Variants in ANKRD6 observed in about 807,000 individuals in gnomAD.
The protein encoded by ANKRD6 is ankyrin repeat domain 6.
In ANKRD6, 56 loss-of-function variants were observed where a neutral mutation model predicts 82.3. The ratio of observed to expected loss-of-function variants is 0.68; its 90% CI spans 0.55 to 0.85. The LOEUF (loss-of-function observed/expected upper bound fraction) is 0.85. ANKRD6 is among the 40% of genes least tolerant of loss of function. ANKRD6 has a pLI of 0.00. For synonymous variants in ANKRD6, 347 were observed against 352.1 expected (o/e 0.99, Z 0.16); for missense variants, 852 against 907.6 (o/e 0.94, Z 0.79).
intron 1 of ANKRD6, among the ~76,000 whole-genome samples, chr6:89,557,945 G>A (rs1786849587): frequency 6.6e-6 from 1 of 151,544 alleles, no homozygotes; most frequent in Non-Finnish European, 1.5e-5. Flanking sequence ...ACAAGCTCAG[G>A]GTTCCCACCA....
At chr6:89,511,608 A>C (rs1562682392) in intron 1 of ANKRD6, among the ~76,000 whole-genome samples, 1 of 152,220 alleles carries the variant, frequency 6.6e-6, no homozygotes, top group Non-Finnish European at 1.5e-5. Context: ...GGGCATATGA[A>C]TAGTAATATG....
intron 1 of ANKRD6, among the ~76,000 whole-genome samples, chr6:89,498,482 A>G (rs1778894247): frequency 6.6e-6 from 1 of 152,138 alleles, no homozygotes; most frequent in South Asian, 2.1e-4. Flanking sequence ...ACTTAATTCA[A>G]ACATCAGTCT....
intron 2 of ANKRD6, among the ~76,000 whole-genome samples, chr6:89,578,873 G>A (rs1481414355): frequency 6.6e-6 from 1 of 152,194 alleles, no homozygotes; most frequent in Non-Finnish European, 1.5e-5. Context: ...GAAGGAGCCA[G>A]CTTTATGTGG....
intron 1 of ANKRD6, among the ~76,000 whole-genome samples, chr6:89,452,948 G>T (rs1275154513): frequency 6.6e-6 from 1 of 152,136 alleles, no homozygotes; most frequent in Non-Finnish European, 1.5e-5. Context: ...TGGACTGATG[G>T]TTCAGACTGG....
Position 89,571,877 on chromosome 6 carries a change from G to A in ANKRD6, c.120+4781G>A, listed in dbSNP as rs543846375. On this transcript the variant is annotated intron_variant, in intron 2 of 15. Coordinates refer to ENST00000339746, the MANE Select transcript of ANKRD6 (RefSeq NM_001242809.2). The stretch of plus-strand genomic sequence containing the variant: ...ACATCCACCAGTATAGTATCATATA[G>A]ATTATTTTTACTGCTCTAAAGATCC... Among the ~76,000 whole-genome samples, 12 of 152,208 alleles carry A rather than the reference G, an allele frequency of 7.9e-5. No individual in the cohort carries two copies. The South Asian group carries it at 2.3e-3, about 29-fold the overall frequency.
chr6:89,498,895 G>A lies in ANKRD6; in HGVS notation c.-144+65520G>A, dbSNP rs540627210. Among the ~76,000 whole-genome samples the A allele has an allele frequency of 3.3e-5, 5 of 152,282 alleles. No homozygotes were observed. In the East Asian group the frequency reaches 9.6e-4, roughly 29 times the overall value. On this transcript the variant is annotated intron_variant, in intron 1 of 15. Coordinates refer to ENST00000339746, the MANE Select transcript of ANKRD6 (RefSeq NM_001242809.2). ...TCTTTGCAGAATGTGAGCACAATTG[G>A]ATGAAGATTCCTGAGGTAGATGCTT...
intron 1 of ANKRD6, among the ~76,000 whole-genome samples, chr6:89,481,870 A>G (rs144156692): frequency 1.8e-4 from 28 of 152,314 alleles, no homozygotes; most frequent in Middle Eastern, 3.4e-3. Context: ...GCCTTCTACT[A>G]TGTGATGAAG....
In ANKRD6 at chr6:89,591,575, C is replaced by G. The variant is rs1794917163; in HGVS notation, c.121-4341C>G. Among the ~76,000 whole-genome samples, 5 of 152,306 alleles carry G rather than the reference C, an allele frequency of 3.3e-5. 1 individual carries two copies. The South Asian group carries it at 1.0e-3, about 32-fold the overall frequency. ...GCTCCTTCACCCTTAAGAGGGGTTC[C>G]AGCTTTTCCCATTAGTCGGACATGC... On this transcript the variant is annotated intron_variant, in intron 2 of 15. Transcript: ENST00000339746.
chr6:89,591,814 C>T (rs972939356), intron 2 of ANKRD6, among the ~76,000 whole-genome samples: 11 of 152,274 alleles, frequency 7.2e-5, no homozygotes, highest in Admixed American at 1.3e-4. Flanking sequence ...TATAGGAAAC[C>T]GATTACTGCC....
At chr6:89,590,095 A>G (rs1338216515) in intron 2 of ANKRD6, among the ~76,000 whole-genome samples, 1 of 152,250 alleles carries the variant, frequency 6.6e-6, no homozygotes, top group Non-Finnish European at 1.5e-5. Context: ...TTGTGGAATT[A>G]TAGAGGATAT....
intron 2 of ANKRD6, among the ~76,000 whole-genome samples, chr6:89,585,753 C>T (rs1793550748): frequency 6.6e-6 from 1 of 152,102 alleles, no homozygotes; most frequent in Non-Finnish European, 1.5e-5. Flanking sequence ...TAAAAAAATA[C>T]AAAAATTAAC....
chr6:89,514,679 A>T lies in ANKRD6; in HGVS notation c.-143-52155A>T, dbSNP rs554896121. 2.6e-5 allele frequency among the ~76,000 whole-genome samples: 4 copies of T among 152,350 alleles called. No individual in the cohort carries two copies. In the South Asian group the frequency reaches 8.3e-4, roughly 32 times the overall value. ...AGTAATGCTGCAGTGAACATTCCCC[A>T]TATGTCCTTTGGTGTACATGTTTGT... is the stretch of plus-strand genomic sequence containing the variant. On this transcript the variant is annotated intron_variant, in intron 1 of 15. Transcript: ENST00000339746.
intron 3 of ANKRD6, 148 bp downstream of exon 3, chr6:89,596,162 A>G: frequency 1.4e-6 from 1 of 708,534 alleles, no homozygotes; most frequent in South Asian, 1.7e-5. Flanking sequence ...GGCAGCAAGA[A>G]CTTCCTCTGG....
chr6:89,558,662 C>G (rs1390697014), intron 1 of ANKRD6, among the ~76,000 whole-genome samples: 1 of 152,164 alleles, frequency 6.6e-6, no homozygotes, highest in African/African-American at 2.4e-5. Flanking sequence ...TGGTATTATT[C>G]ATTTGTCAAA....
intron 1 of ANKRD6, among the ~76,000 whole-genome samples, chr6:89,479,629 A>AT (rs900674729): frequency 1.0e-4 from 15 of 146,084 alleles, no homozygotes; most frequent in Non-Finnish European, 1.8e-4. Context: ...TTATTTATTT[A>AT]TTATTATTAT....
At chr6:89,603,251 T>G (rs77642867) in intron 4 of ANKRD6, 124 bp downstream of exon 4, 20,355 of 724,432 alleles carry the variant, frequency 0.028, 661 homozygotes, top group South Asian at 0.12. Flanking sequence ...TCTTACCACT[T>G]ATGATTTAAC....
chr6:89,551,156 T>C (rs1409873766), intron 1 of ANKRD6, among the ~76,000 whole-genome samples: 1 of 152,198 alleles, frequency 6.6e-6, no homozygotes, highest in East Asian at 1.9e-4. Context: ...GGAGGCAGTC[T>C]TCTTGTTAGG....
chr6:89,462,124 CAG>C (rs1354649975), intron 1 of ANKRD6, among the ~76,000 whole-genome samples: 1 of 151,648 alleles, frequency 6.6e-6, no homozygotes, highest in Admixed American at 6.6e-5. Flanking sequence ...TCCAGCTACT[CAG>C]GGGGCTGAGG....
chr6:89,447,023 C>G (rs1457636041), intron 1 of ANKRD6, among the ~76,000 whole-genome samples: 1 of 152,166 alleles, frequency 6.6e-6, no homozygotes, highest in East Asian at 1.9e-4. Flanking sequence ...ACTACCCAGT[C>G]TTGGGTATTT....
Sources: allele counts gnomAD v4.1 joint callset (sites outside exome capture counted in the v4.1 genomes callset), GRCh38; gene constraint gnomAD v4.1.1; transcripts MANE v1.5; gene names NCBI Gene and HGNC (gene_info 2026-07-23, HGNC 2026-07-21).